LAMA3: variants seen among roughly 807,000 people sequenced by gnomAD.
LAMA3 encodes laminin subunit alpha-3.
Under a neutral mutation model 402.0 loss-of-function variants are expected in LAMA3, and 281 were observed. The observed-to-expected ratio is 0.70, with a 90% CI of 0.63 to 0.77. The LOEUF (loss-of-function observed/expected upper bound fraction) is 0.77, where lower values mean the gene tolerates loss of function less well. LAMA3 is among the 30% of genes least tolerant of loss of function. The pLI is 0.00. For synonymous variants in LAMA3, 1,431 were observed against 1,558.4 expected (o/e 0.92, Z 1.93); for missense variants, 3,840 against 4,215.5 (o/e 0.91, Z 2.47).
In LAMA3 at chr18:23,895,492, A is replaced by C. The variant is rs575866594; in HGVS notation, c.5613+434A>C. On this transcript the variant is annotated intron_variant, in intron 44 of 74. Transcript: ENST00000313654. The stretch of plus-strand genomic sequence containing the variant: ...CAAAGAATAGGTATGAGACTACAGT[A>C]TTTGGGCTATGTGTTTCTTCTTGAG... 2.0e-5 allele frequency among the ~76,000 whole-genome samples: 3 copies of C among 152,332 alleles called. No homozygotes were observed. In the South Asian group the frequency reaches 6.2e-4, roughly 32 times the overall value.
At chr18:23,824,906 T>C (rs1479686664) in intron 21 of LAMA3, among the ~76,000 whole-genome samples, 2 of 152,236 alleles carry the variant, frequency 1.3e-5, no homozygotes, top group African/African-American at 4.8e-5. Context: ...TATGGGATTT[T>C]CCAGCATGAG....
rs765748627 is a variant in LAMA3, at chr18:23,867,873, C to A, written c.4723C>A (p.Pro1575Thr). 1 of 1,614,064 alleles carries A rather than the reference C, an allele frequency of 6.2e-7. No individual in the cohort carries two copies. Among genetic ancestry groups the A allele is most frequent in the Non-Finnish European group, 8.5e-7 (1 of 1,179,964 alleles). ...MSIIYEETNTPRPDRLHHGRV... is the reference protein window; with the variant it reads ...MSIIYEETNTTRPDRLHHGRV... ...CATCATCTATGAGGAGACAAACACC[C>A]CACGGCCAGACCGGCTGCATCATGG... Residue 1575 changes from proline (P) to threonine (T), a missense_variant, in exon 37 of 75, where the codon CCA (proline) becomes ACA (threonine). Pro to Thr is a conservative substitution (Grantham distance 38). This residue lies in a region of LAMA3 where 2,109 missense variants were observed against 2,376.0 expected (regional missense o/e 0.89). Transcript: ENST00000313654.
At chr18:23,866,119 C>T (rs185551043) in intron 36 of LAMA3, among the ~76,000 whole-genome samples, 8 of 152,340 alleles carry the variant, frequency 5.3e-5, no homozygotes, top group Non-Finnish European at 2.9e-5. Flanking sequence ...AAGGAAGTAA[C>T]AACATCCACA....
chr18:23,719,667 A>G (rs2061174467), intron 2 of LAMA3, among the ~76,000 whole-genome samples: 1 of 150,508 alleles, frequency 6.6e-6, no homozygotes, highest in Admixed American at 6.6e-5. Context: ...GCATTCTAGA[A>G]TCTTTTTTTT....
intron 5 of LAMA3, 122 bp downstream of exon 5, chr18:23,751,210 G>T: frequency 1.1e-6 from 1 of 923,808 alleles, no homozygotes; most frequent in Non-Finnish European, 1.7e-6. Flanking sequence ...TGTGGGAGTT[G>T]TTCTTATCTG....
intron 6 of LAMA3, among the ~76,000 whole-genome samples, chr18:23,754,543 A>G (rs951936648): frequency 1.3e-5 from 2 of 152,246 alleles, no homozygotes; most frequent in African/African-American, 4.8e-5. Flanking sequence ...ATTTCCTTGT[A>G]TATATGTATA....
chr18:23,707,856 C>T (rs1023842444), intron 1 of LAMA3, among the ~76,000 whole-genome samples: 4 of 152,010 alleles, frequency 2.6e-5, no homozygotes, highest in Non-Finnish European at 5.9e-5. Context: ...AAGCAATTCC[C>T]GTGTCTCAGT....
intron 35 of LAMA3, among the ~76,000 whole-genome samples, chr18:23,862,398 A>G (rs1598945282): frequency 6.6e-6 from 1 of 152,170 alleles, no homozygotes; most frequent in African/African-American, 2.4e-5. Context: ...TGCAGGCCTC[A>G]TGTGGAAACA....
At chr18:23,759,713 T>A (rs1259854591) in intron 7 of LAMA3, among the ~76,000 whole-genome samples, 2 of 152,212 alleles carry the variant, frequency 1.3e-5, no homozygotes, top group East Asian at 3.8e-4. Flanking sequence ...CAAATATTTT[T>A]TGTAACTATT....
At chr18:23,782,900 G>A (rs918219142) in intron 11 of LAMA3, among the ~76,000 whole-genome samples, 1 of 151,376 alleles carries the variant, frequency 6.6e-6, no homozygotes, top group Non-Finnish European at 1.5e-5. Context: ...GGAATAATGT[G>A]TGCTGGCCCT....
intron 32 of LAMA3, among the ~76,000 whole-genome samples, chr18:23,856,795 A>G (rs1047204801): frequency 1.3e-5 from 2 of 150,972 alleles, no homozygotes; most frequent in Admixed American, 6.6e-5. Context: ...TCTTTCCTCT[A>G]CTCCTCATCC....
At chr18:23,758,537 C>T (rs1193350100) in intron 7 of LAMA3, 26 bp downstream of exon 7, 1 of 1,494,986 alleles carries the variant, frequency 6.7e-7, no homozygotes, top group Non-Finnish European at 9.0e-7. Flanking sequence ...GGGTGGGGGC[C>T]ACACGTGGCC....
intron 24 of LAMA3, among the ~76,000 whole-genome samples, chr18:23,836,775 T>C (rs1025037596): frequency 1.6e-4 from 25 of 152,268 alleles, no homozygotes; most frequent in Middle Eastern, 3.4e-3. Context: ...CCCTGAGAGG[T>C]ACAACACTGG....
At chr18:23,815,986 C>T (rs1042676983) in intron 17 of LAMA3, among the ~76,000 whole-genome samples, 1 of 152,148 alleles carries the variant, frequency 6.6e-6, no homozygotes, top group Admixed American at 6.5e-5. Context: ...TCTCGCTCGG[C>T]CCCTGGTTAT....
intron 8 of LAMA3, among the ~76,000 whole-genome samples, chr18:23,765,701 G>T (rs1268348020): frequency 6.6e-6 from 1 of 152,008 alleles, no homozygotes; most frequent in East Asian, 1.9e-4. Flanking sequence ...ATGCTCAAGA[G>T]AATAGATTAA....
In LAMA3 at chr18:23,819,836, G is replaced by A. The variant is rs773936675; in HGVS notation, c.2148-5G>A. On this transcript the variant is annotated splice_region_variant and splice_polypyrimidine_tract_variant and intron_variant, in intron 18 of 74. Coordinates refer to ENST00000313654, the MANE Select transcript of LAMA3 (RefSeq NM_198129.4). ...CTGTATGTGTTTACTTTTTAATTATGAAAGGCCTGAAAACAACTACTATTT... is the reference window on the plus strand; with the variant it reads ...CTGTATGTGTTTACTTTTTAATTATAAAAGGCCTGAAAACAACTACTATTT... 8.1e-6 allele frequency: 13 copies of A among 1,613,506 alleles called. No homozygotes were observed. The highest frequency in any genetic ancestry group is 1.1e-5 in the Non-Finnish European group (13 of 1,179,606).
At chr18:23,755,536 G>T (rs925560379) in intron 6 of LAMA3, among the ~76,000 whole-genome samples, 2 of 152,178 alleles carry the variant, frequency 1.3e-5, no homozygotes, top group Admixed American at 6.5e-5. Flanking sequence ...AACTTAATGG[G>T]TAGAGCCAAG....
chr18:23,879,018 C>T lies in LAMA3; in HGVS notation c.5112+2611C>T, dbSNP rs1170362146. Among the ~76,000 whole-genome samples, 7 of 151,850 alleles carry T rather than the reference C, an allele frequency of 4.6e-5. No individual in the cohort carries two copies. The highest frequency in any genetic ancestry group is 8.8e-5 in the Non-Finnish European group (6 of 67,984). On this transcript the variant is annotated intron_variant, in intron 39 of 74. Transcript: ENST00000313654. This position sits in a 1 kb window ranked among gnomAD's most constrained non-coding sequence, Gnocchi z 4.2. The stretch of plus-strand genomic sequence containing the variant: ...CCCTTCCTCTCTACTATCCCCGTCA[C>T]CCCTTATTTTCCTCTCCGTTCCTAT...
chr18:23,828,319 G>A (rs2063424900), intron 23 of LAMA3, among the ~76,000 whole-genome samples: 1 of 152,112 alleles, frequency 6.6e-6, no homozygotes, highest in Non-Finnish European at 1.5e-5. Flanking sequence ...AGGTTTTTAA[G>A]TATATTTCTT....
Sources: allele counts gnomAD v4.1 joint callset (sites outside exome capture counted in the v4.1 genomes callset), GRCh38; gene constraint gnomAD v4.1.1; regional missense constraint gnomAD v4.1.1; non-coding constraint Gnocchi (gnomAD v3.1); transcripts MANE v1.5; gene names NCBI Gene and HGNC (gene_info 2026-07-23, HGNC 2026-07-21).